TDRP: variants seen among roughly 807,000 people sequenced by gnomAD.
TDRP encodes the protein testis development related protein.
A neutral mutation model predicts 10.5 loss-of-function variants in TDRP; 12 were observed. The observed-to-expected ratio is 1.15, with a 90% CI of 0.73 to 1.86. The LOEUF is 1.86. Ranked by LOEUF, TDRP falls within the 40% of genes most tolerant of loss-of-function variation. The pLI is 0.00. For missense variants in TDRP, 353 were observed against 229.2 expected (o/e 1.54, Z -3.49); for synonymous variants, 139 against 95.4 (o/e 1.46, Z -2.67).
chr8:498,003 T>G (rs977040079), intron 1 of TDRP, among the ~76,000 whole-genome samples: 1 of 151,834 alleles, frequency 6.6e-6, no homozygotes, highest in Non-Finnish European at 1.5e-5. Flanking sequence ...TCAGAGGAGG[T>G]ATGGAAATGG....
At chr8:521,668 G>T (rs1412950967) in intron 1 of TDRP, among the ~76,000 whole-genome samples, 1 of 152,088 alleles carries the variant, frequency 6.6e-6, no homozygotes. Context: ...GAAAGTGTGA[G>T]GCTTCCAGTT....
At chr8:504,672 G>T (rs546261322) in intron 1 of TDRP, among the ~76,000 whole-genome samples, 42 of 152,308 alleles carry the variant, frequency 2.8e-4, no homozygotes, top group Admixed American at 3.9e-4. Context: ...GGCAATTCTT[G>T]TAAGAATCAC....
At chr8:529,069 T>C (rs1189002824) in intron 1 of TDRP, among the ~76,000 whole-genome samples, 1 of 152,194 alleles carries the variant, frequency 6.6e-6, no homozygotes, top group Admixed American at 6.5e-5. Context: ...GTTTTCTGTC[T>C]GCTTTATATC....
intron 1 of TDRP, among the ~76,000 whole-genome samples, chr8:524,429 C>G (rs566883118): frequency 1.2e-3 from 184 of 152,062 alleles, no homozygotes; most frequent in Non-Finnish European, 2.0e-3. Flanking sequence ...TCCAGGAAAA[C>G]ATAACCTCAC....
At chr8:544,042 A>G (rs1217264002) in intron 1 of TDRP, among the ~76,000 whole-genome samples, 2 of 152,192 alleles carry the variant, frequency 1.3e-5, no homozygotes, top group Admixed American at 6.5e-5. Flanking sequence ...CGTCAGGTAA[A>G]GGCCTTTCAG....
intron 1 of TDRP, among the ~76,000 whole-genome samples, chr8:519,612 C>T (rs987454203): frequency 5.3e-5 from 8 of 152,108 alleles, no homozygotes; most frequent in Non-Finnish European, 1.2e-4. Context: ...CACCATTCTG[C>T]TTTCTCTAAG....
intron 1 of TDRP, among the ~76,000 whole-genome samples, chr8:526,447 T>A (rs888192799): frequency 6.6e-5 from 10 of 152,212 alleles, no homozygotes; most frequent in African/African-American, 2.4e-4. Context: ...TATCAAGTGC[T>A]TTTTCAGCAT....
At position 544,658 on chromosome 8, in the gene TDRP, G is replaced by C. The variant is rs935024253; in HGVS notation, c.100C>G (p.Gln34Glu). The C allele has an allele frequency of 6.4e-6, 8 of 1,241,792 alleles. No individual in the cohort carries two copies. Among genetic ancestry groups the C allele is most frequent in the African/African-American group, 6.2e-5 (4 of 64,210 alleles). The allele number at this position is 1,241,792 out of a possible 1,614,324, so 76.9% of individuals were successfully genotyped here. The change falls in exon 1 of 3, where the codon CAG (glutamine) becomes GAG (glutamate). Residue 34 changes from glutamine to glutamate, a missense_variant. Coordinates refer to ENST00000324079, the MANE Select transcript of TDRP (RefSeq NM_001384899.1). ...GPPPAAAAAA[Q>E]AQVQGASFRG... ...CCTGCGCACCCCCTCACCTGCGCCTGGGCGGCGGCGGCGGCGGCCGGTGGC... is the reference window on the plus strand; with the variant it reads ...CCTGCGCACCCCCTCACCTGCGCCTCGGCGGCGGCGGCGGCGGCCGGTGGC...
chr8:525,423 CTG>C (rs1269410207), intron 1 of TDRP, among the ~76,000 whole-genome samples: 1 of 152,144 alleles, frequency 6.6e-6, no homozygotes, highest in Non-Finnish European at 1.5e-5. Flanking sequence ...TATTATAACA[CTG>C]TATTATACTG....
intron 1 of TDRP, among the ~76,000 whole-genome samples, chr8:541,114 A>T (rs916534376): frequency 1.3e-5 from 2 of 152,234 alleles, no homozygotes; most frequent in Admixed American, 6.5e-5. Context: ...GAATTTCAAA[A>T]TTTAATTCTA....
chr8:538,310 C>A (rs1250754493), intron 1 of TDRP, among the ~76,000 whole-genome samples: 2 of 152,168 alleles, frequency 1.3e-5, no homozygotes, highest in Admixed American at 1.3e-4. Context: ...TGAGGAGGTT[C>A]GCACTGCAGG....
At position 490,901 on chromosome 8, in the gene TDRP, G is replaced by A. The variant is rs910373671; in HGVS notation, c.*1498C>T. On this transcript the variant is annotated 3_prime_UTR_variant, in exon 3 of 3. Transcript: ENST00000324079. Reference sequence around the variant, plus strand: ...CTATTAAAAAAAAAAGTAGATGATTGACAGAAGGCTAGATGGATGTAGACT... The same window carrying A: ...CTATTAAAAAAAAAAGTAGATGATTAACAGAAGGCTAGATGGATGTAGACT... 1 of 152,114 alleles carries A rather than the reference G, an allele frequency of 6.6e-6. No homozygotes were observed. The highest frequency in any genetic ancestry group is 1.5e-5 in the Non-Finnish European group (1 of 68,022). The allele number at this position is 152,114 out of a possible 1,614,324, so 9.4% of individuals were successfully genotyped here. A position where few individuals can be genotyped will look rare whatever the true frequency, so the allele number is the denominator to read the frequency against.
chr8:528,703 T>C (rs4604412), intron 1 of TDRP, among the ~76,000 whole-genome samples: 81,943 of 151,740 alleles, frequency 0.54, 22,836 homozygotes, highest in Admixed American at 0.63. Flanking sequence ...ATGTGATTAT[T>C]ATGTATTATA....
In TDRP at chr8:538,201, A is replaced by C. The variant is rs532147872; in HGVS notation, c.108+6449T>G. Among the ~76,000 whole-genome samples the C allele has an allele frequency of 1.6e-4, 25 of 152,314 alleles. No homozygotes were observed. In the South Asian group the frequency reaches 5.2e-3, roughly 32 times the overall value. On this transcript the variant is annotated intron_variant, in intron 1 of 2. Transcript: ENST00000324079. ...GGAGTCTCGGGATGGGAAGTGACCA[A>C]GAGAAGACTTCATCAAGGGTGGGAG...
chr8:537,097 A>G (rs1563133212), intron 1 of TDRP, among the ~76,000 whole-genome samples: 1 of 152,196 alleles, frequency 6.6e-6, no homozygotes, highest in Non-Finnish European at 1.5e-5. Flanking sequence ...TCAATTCTGC[A>G]GCTCCCATCA....
At chr8:518,373 T>G (rs1801812178) in intron 1 of TDRP, among the ~76,000 whole-genome samples, 1 of 152,112 alleles carries the variant, frequency 6.6e-6, no homozygotes. Context: ...TGGGTACACA[T>G]AAGTCTAATA....
intron 1 of TDRP, among the ~76,000 whole-genome samples, chr8:508,331 T>C (rs149914252): frequency 2.3e-4 from 35 of 152,324 alleles, no homozygotes; most frequent in African/African-American, 7.7e-4. Context: ...TATTAGTTCA[T>C]TTTCACATTG....
At chr8:492,958 C>G (rs980324706) in intron 2 of TDRP, among the ~76,000 whole-genome samples, 21 of 152,126 alleles carry the variant, frequency 1.4e-4, no homozygotes, top group African/African-American at 4.8e-4. Context: ...TAGGACACCA[C>G]TTGGCAATAC....
At chr8:535,951 C>G (rs751091359) in intron 1 of TDRP, among the ~76,000 whole-genome samples, 1 of 152,124 alleles carries the variant, frequency 6.6e-6, no homozygotes, top group Non-Finnish European at 1.5e-5. Context: ...GACTGACTCA[C>G]AAAGTGAAAC....
Sources: gnomAD v4.1 joint callset for allele counts (sites outside exome capture counted in the v4.1 genomes callset) on GRCh38, gnomAD v4.1.1 for gene constraint, MANE v1.5 for transcripts, NCBI Gene and HGNC (gene_info 2026-07-23, HGNC 2026-07-21) for gene names.